SLC10A7: variants seen among roughly 807,000 people sequenced by gnomAD.
SLC10A7 encodes the protein sodium/bile acid cotransporter 7.
SLC10A7 carries 29 observed loss-of-function variants against 43.2 expected under a neutral mutation model. That is an observed-to-expected ratio of 0.67 (90% CI 0.50 to 0.92). The LOEUF (loss-of-function observed/expected upper bound fraction) is 0.92. SLC10A7 is among the 40% of genes least tolerant of loss of function. SLC10A7 has a pLI of 0.00. For missense variants in SLC10A7, 295 were observed against 403.2 expected (o/e 0.73, Z 2.30); for synonymous variants, 152 against 144.8 (o/e 1.05, Z -0.35).
At chr4:146,298,595 A>G (rs1266373583) in intron 7 of SLC10A7, among the ~76,000 whole-genome samples, 1 of 152,224 alleles carries the variant, frequency 6.6e-6, no homozygotes, top group East Asian at 1.9e-4. Context: ...GATGGAAAAT[A>G]AAAAGTGGTA....
chr4:146,506,195 A>G lies in SLC10A7; in HGVS notation c.321-2271T>C, dbSNP rs1420631536. Among the ~76,000 whole-genome samples, 3 of 152,272 alleles carry G rather than the reference A, an allele frequency of 2.0e-5. No individual in the cohort carries two copies. The East Asian group carries it at 5.8e-4, about 29-fold the overall frequency. ...AATTTTGCTTGAACTCAGGAGGCAG[A>G]GGTTGCAGTGAGCCAAGATTGTGCC... On this transcript the variant is annotated intron_variant, in intron 3 of 11. Coordinates refer to ENST00000335472, the MANE Select transcript of SLC10A7 (RefSeq NM_001029998.6).
intron 5 of SLC10A7, among the ~76,000 whole-genome samples, chr4:146,351,490 A>G (rs1332509218): frequency 6.7e-6 from 1 of 150,194 alleles, no homozygotes; most frequent in Non-Finnish European, 1.5e-5. Flanking sequence ...AACTTCCCCA[A>G]TCTAGCAAGG....
At chr4:146,516,923 T>G in intron 2 of SLC10A7, 115 bp downstream of exon 2, 1 of 730,710 alleles carries the variant, frequency 1.4e-6, no homozygotes. Context: ...TCTTCTGCTA[T>G]AGTGAATCCT....
chr4:146,352,241 C>G (rs1468722053), intron 5 of SLC10A7, among the ~76,000 whole-genome samples: 1 of 97,028 alleles, frequency 1.0e-5, no homozygotes, highest in East Asian at 2.6e-4. Context: ...CAATCCTAGT[C>G]TCTGATAAAA....
intron 4 of SLC10A7, among the ~76,000 whole-genome samples, chr4:146,454,399 A>G (rs1579230117): frequency 6.6e-6 from 1 of 151,850 alleles, no homozygotes; most frequent in Admixed American, 6.6e-5. Context: ...ACAGAACTCC[A>G]GACAGGCAAA....
intron 10 of SLC10A7, among the ~76,000 whole-genome samples, chr4:146,260,236 C>A (rs1044163596): frequency 6.6e-6 from 1 of 152,062 alleles, no homozygotes; most frequent in Non-Finnish European, 1.5e-5. Flanking sequence ...TGCTGAAAAG[C>A]AGCATCTGAT....
chr4:146,305,753 T>C (rs368731990), intron 7 of SLC10A7, among the ~76,000 whole-genome samples, 173 bp downstream of exon 7: 12 of 152,208 alleles, frequency 7.9e-5, no homozygotes, highest in South Asian at 6.2e-4. Flanking sequence ...TTAGTATTAA[T>C]TTAAAAAATA....
intron 4 of SLC10A7, among the ~76,000 whole-genome samples, chr4:146,482,197 A>C (rs542732836): frequency 1.3e-5 from 2 of 152,326 alleles, no homozygotes; most frequent in South Asian, 4.1e-4. Context: ...GCAAAAACAC[A>C]AGACACATGA....
chr4:146,403,595 C>T (rs992092125), intron 5 of SLC10A7, among the ~76,000 whole-genome samples: 1 of 152,136 alleles, frequency 6.6e-6, no homozygotes, highest in Non-Finnish European at 1.5e-5. Flanking sequence ...CTATGACAGC[C>T]TATCACATGC....
chr4:146,445,139 C>T (rs1730928059), intron 4 of SLC10A7, among the ~76,000 whole-genome samples: 1 of 152,108 alleles, frequency 6.6e-6, no homozygotes, highest in Non-Finnish European at 1.5e-5. Context: ...CTTGCAATTC[C>T]CCAAACTCAT....
At chr4:146,292,848 G>A in intron 9 of SLC10A7, 81 bp downstream of exon 9, 2 of 959,374 alleles carry the variant, frequency 2.1e-6, no homozygotes, top group Non-Finnish European at 3.2e-6. Context: ...AAATATAAAC[G>A]TGTATAGTGG....
chr4:146,335,610 C>A (rs1388970656), intron 5 of SLC10A7, among the ~76,000 whole-genome samples: 1 of 152,012 alleles, frequency 6.6e-6, no homozygotes, highest in Non-Finnish European at 1.5e-5. Context: ...CGCAGACCAA[C>A]CCAGTTGATA....
chr4:146,326,074 G>T, intron 5 of SLC10A7, 78 bp from the exon 6 acceptor site: 1 of 1,268,062 alleles, frequency 7.9e-7, no homozygotes, highest in Non-Finnish European at 1.1e-6. Flanking sequence ...TAAACTCTGA[G>T]GCATAGGAGT....
At chr4:146,358,919 G>A (rs954876806) in intron 5 of SLC10A7, among the ~76,000 whole-genome samples, 1 of 152,110 alleles carries the variant, frequency 6.6e-6, no homozygotes, top group Non-Finnish European at 1.5e-5. Flanking sequence ...GATAGGGTAG[G>A]CATATGTTTA....
chr4:146,468,959 C>A, intron 4 of SLC10A7, among the ~76,000 whole-genome samples: 1 of 151,914 alleles, frequency 6.6e-6, no homozygotes, highest in East Asian at 1.9e-4. Context: ...TCGGGGAAAA[C>A]CAAACTTGTA....
intron 6 of SLC10A7, among the ~76,000 whole-genome samples, chr4:146,324,383 C>T (rs1189238608): frequency 6.6e-6 from 1 of 152,056 alleles, no homozygotes; most frequent in African/African-American, 2.4e-5. Flanking sequence ...GTTCTTTAAT[C>T]ACAAGTCAAA....
At chr4:146,290,257 G>A (rs1250757719) in intron 9 of SLC10A7, among the ~76,000 whole-genome samples, 1 of 148,882 alleles carries the variant, frequency 6.7e-6, no homozygotes, top group African/African-American at 2.5e-5. Flanking sequence ...CCAGGAGGCG[G>A]AGCTTGCAGT....
intron 5 of SLC10A7, among the ~76,000 whole-genome samples, chr4:146,418,297 T>C (rs1320172494): frequency 6.6e-6 from 1 of 152,184 alleles, no homozygotes; most frequent in Non-Finnish European, 1.5e-5. Context: ...CCTAGGCATA[T>C]ATAGCTCCAC....
chr4:146,276,483 TTGC>T (rs1729215113), intron 10 of SLC10A7, among the ~76,000 whole-genome samples: 1 of 152,188 alleles, frequency 6.6e-6, no homozygotes, highest in South Asian at 2.1e-4. Context: ...CAATTAATGT[TTGC>T]TGCTATTATT....
Sources: gnomAD v4.1 joint callset for allele counts (sites outside exome capture counted in the v4.1 genomes callset) on GRCh38, gnomAD v4.1.1 for gene constraint, MANE v1.5 for transcripts, NCBI Gene and HGNC (gene_info 2026-07-23, HGNC 2026-07-21) for gene names.